Variants in KIF21B observed in about 807,000 individuals in gnomAD.
KIF21B encodes the protein kinesin-like protein KIF21B.
Under a neutral mutation model 192.9 loss-of-function variants are expected in KIF21B, and 85 were observed. The observed-to-expected ratio is 0.44, with a 90% CI of 0.37 to 0.53. The LOEUF (loss-of-function observed/expected upper bound fraction) is 0.53, where lower values mean the gene tolerates loss of function less well. Among genes scored for constraint, KIF21B ranks in the 20% least tolerant of loss-of-function variants. The pLI is 0.00. For synonymous variants in KIF21B, 832 were observed against 884.6 expected, an observed-to-expected ratio of 0.94 and a Z score of 1.05; for missense variants, 1,716 against 2,194.8, an observed-to-expected ratio of 0.78 and a Z score of 4.36.
chr1:201,007,183 G>C (rs28719808), intron 3 of KIF21B, among the ~76,000 whole-genome samples: 15 of 85,202 alleles, frequency 1.8e-4, no homozygotes, highest in South Asian at 3.6e-4. Context: ...CACACACACA[G>C]ACACAGAGAC....
chr1:201,001,111 A>G (rs1195954289), intron 9 of KIF21B, among the ~76,000 whole-genome samples: 1 of 63,674 alleles, frequency 1.6e-5, no homozygotes, highest in African/African-American at 1.1e-4. Flanking sequence ...CCGTCTCAGA[A>G]AAAAAAAAAA....
In KIF21B at chr1:201,000,333, CAGG is replaced by C; in HGVS notation, c.1685+54_1685+56del. Reference sequence around the variant, plus strand: ...GGCAGCAGTCCTCCTTGGGGACGGGCAGGGTCCACTGGGGCGGTCTGAGGGCTC... The same window carrying C: ...GGCAGCAGTCCTCCTTGGGGACGGGCGTCCACTGGGGCGGTCTGAGGGCTC... On this transcript the variant is annotated intron_variant, in intron 11 of 34. Coordinates refer to ENST00000461742, the MANE Select transcript of KIF21B (RefSeq NM_001252102.2). This position sits in a 1 kb window ranked among gnomAD's most constrained non-coding sequence, Gnocchi z 6.0. The C allele has an allele frequency of 6.8e-7, 1 of 1,477,090 alleles. No individual in the cohort carries two copies. The highest frequency in any genetic ancestry group is 9.0e-7 in the Non-Finnish European group (1 of 1,108,230). The allele number at this position is 1,477,090 out of a possible 1,614,324, so 91.5% of individuals were successfully genotyped here.
At chr1:201,007,263 C>G (rs553821381) in intron 3 of KIF21B, among the ~76,000 whole-genome samples, 2 of 145,260 alleles carry the variant, frequency 1.4e-5, no homozygotes, top group East Asian at 4.2e-4. Context: ...CACACACAGA[C>G]ACACACACGC....
rs1338738651 is a variant in KIF21B, at chr1:200,973,586, G to A, written c.4815-8C>T. On this transcript the variant is annotated splice_polypyrimidine_tract_variant and splice_region_variant and intron_variant, in intron 34 of 34. Transcript: ENST00000461742. ...AACTTCACCGTCAGGTCACTGGGGT[G>A]GAGGACAAAGTGGAGGGGTGCCGGT... 20 of 1,521,162 alleles carry A rather than the reference G, an allele frequency of 1.3e-5. No individual in the cohort carries two copies. Among genetic ancestry groups the A allele is most frequent in the Non-Finnish European group, 1.5e-5 (17 of 1,142,498 alleles). 94.2% of individuals were successfully genotyped at this position (1,521,162 alleles called of 1,614,324 possible). A position where few individuals can be genotyped will look rare whatever the true frequency, so the allele number is the denominator to read the frequency against.
In KIF21B at chr1:201,023,475, G is replaced by GTA; in HGVS notation, c.-93_-92insTA. The GTA allele has an allele frequency of 1.0e-6, 1 of 977,520 alleles. No homozygotes were observed. The highest frequency in any genetic ancestry group is 4.4e-5 in the Admixed American group (1 of 22,846). The allele number at this position is 977,520 out of a possible 1,614,324, so 60.6% of individuals were successfully genotyped here. On this transcript the variant is annotated 5_prime_UTR_variant, in exon 1 of 35. It removes the in-frame stop codon of an upstream open reading frame in the 5' UTR. Transcript: ENST00000461742. This position sits in a 1 kb window ranked among gnomAD's most constrained non-coding sequence, Gnocchi z 5.9. ...GCGGCTGCGGCTGCGGGAGGCGGGG[G>GTA]CGCGGGCGCGGCTGGCGGAGGCTGC...
chr1:201,007,565 G>GAC (rs1201147433), intron 3 of KIF21B, among the ~76,000 whole-genome samples: 1 of 124,500 alleles, frequency 8.0e-6, no homozygotes, highest in African/African-American at 3.1e-5. Context: ...CAAACACAGA[G>GAC]ACACACACAC....
intron 14 of KIF21B, among the ~76,000 whole-genome samples, chr1:200,997,606 G>A (rs1257619976): frequency 2.6e-5 from 4 of 152,188 alleles, no homozygotes; most frequent in Admixed American, 6.5e-5. Flanking sequence ...AGCCGGGCGT[G>A]GTGGCGGGCG....
chr1:201,007,841 A>G (rs1243931007), intron 3 of KIF21B, among the ~76,000 whole-genome samples: 2 of 151,974 alleles, frequency 1.3e-5, no homozygotes, highest in African/African-American at 4.8e-5. Context: ...ACACACAGAC[A>G]TACAGACAGA....
rs1655266653 is a variant in KIF21B at position 200,972,461 on chromosome 1, AC to A, written c.*1059del. The A allele has an allele frequency of 6.6e-6, 1 of 152,002 alleles. No homozygotes were observed. The highest frequency in any genetic ancestry group is 6.5e-5 in the Admixed American group (1 of 15,276). 9.4% of individuals were successfully genotyped at this position (152,002 alleles called of 1,614,324 possible). ...GGCCCACGCAGGACTGTGGGGCAGA[AC>A]CCCGGGGCCTGGGCTGTGGGGTGAG... On this transcript the variant is annotated 3_prime_UTR_variant, in exon 35 of 35. Transcript: ENST00000461742.
At position 200,996,349 on chromosome 1, in the gene KIF21B, T is replaced by G; in HGVS notation, c.2124A>C (p.Ala708=). ...TCTCCCGCAGCCTCTTCTCATAGTC[T>G]GCCTTGATCTTGTTGGCCTTCTCCT... ...YTEEKANKIK[A]DYEKRLREMN... The change falls in exon 15 of 35, where the codon GCA becomes GCC. Residue 708 remains alanine, a synonymous_variant. Coordinates refer to ENST00000461742, the MANE Select transcript of KIF21B (RefSeq NM_001252102.2). 1.2e-6 allele frequency: 2 copies of G among 1,614,160 alleles called. No individual in the cohort carries two copies. Among genetic ancestry groups the G allele is most frequent in the South Asian group, 2.2e-5 (2 of 91,084 alleles).
chr1:200,995,763 G>A (rs1434811831), intron 15 of KIF21B, among the ~76,000 whole-genome samples: 1 of 152,198 alleles, frequency 6.6e-6, no homozygotes, highest in Admixed American at 6.5e-5. Context: ...GAGATGACTA[G>A]CCTGGAGCCT....
In KIF21B at chr1:200,972,161, A is replaced by G. The variant is rs1655250257; in HGVS notation, c.*1360T>C. The G allele has an allele frequency of 6.6e-6, 1 of 152,084 alleles. No homozygotes were observed. Among genetic ancestry groups the G allele is most frequent in the Non-Finnish European group, 1.5e-5 (1 of 67,990 alleles). The allele number at this position is 152,084 out of a possible 1,614,324, so 9.4% of individuals were successfully genotyped here. A position where few individuals can be genotyped will look rare whatever the true frequency, so the allele number is the denominator to read the frequency against. Reference sequence around the variant, plus strand: ...GGGGCGCCAGAACACTGATTTAACAATTTCCCCGGAGCTCCGCGTCCCCAG... The same window carrying G: ...GGGGCGCCAGAACACTGATTTAACAGTTTCCCCGGAGCTCCGCGTCCCCAG... On this transcript the variant is annotated 3_prime_UTR_variant, in exon 35 of 35. Coordinates refer to ENST00000461742, the MANE Select transcript of KIF21B (RefSeq NM_001252102.2).
At chr1:201,010,624 C>G (rs1428371940) in intron 1 of KIF21B, among the ~76,000 whole-genome samples, 1 of 152,194 alleles carries the variant, frequency 6.6e-6, no homozygotes, top group Non-Finnish European at 1.5e-5. Context: ...CATCAGCAGG[C>G]ACTTACAATG....
intron 30 of KIF21B, among the ~76,000 whole-genome samples, chr1:200,978,371 A>C (rs1655700514): frequency 6.7e-6 from 1 of 150,048 alleles, no homozygotes; most frequent in Non-Finnish European, 1.5e-5. Context: ...TTTTTTTAAG[A>C]CTTTATTTTT....
Position 200,982,629 on chromosome 1 carries a change from A to C in KIF21B, c.3842+427T>G, listed in dbSNP as rs1336088072. ...CGTCTGAAAAGCTCACCCCCAGCAC[A>C]AGCTGAGGGAATCAAAGGACCCAGA... On this transcript the variant is annotated intron_variant, in intron 28 of 34. Transcript: ENST00000461742. The surrounding 1 kb of genome is among the most constrained non-coding windows in gnomAD (Gnocchi z 4.7). Among the ~76,000 whole-genome samples, 3 of 152,110 alleles carry C rather than the reference A, an allele frequency of 2.0e-5. No individual in the cohort carries two copies. The highest frequency in any genetic ancestry group is 2.1e-4 in the South Asian group (1 of 4,836).
intron 15 of KIF21B, among the ~76,000 whole-genome samples, chr1:200,993,281 C>T (rs775466223): frequency 6.6e-6 from 1 of 152,220 alleles, no homozygotes; most frequent in Non-Finnish European, 1.5e-5. Context: ...TTCCAAGTGA[C>T]AGGGGCATAA....
chr1:201,004,721 C>T, intron 6 of KIF21B, 45 bp downstream of exon 6: 1 of 1,612,570 alleles, frequency 6.2e-7, no homozygotes, highest in Non-Finnish European at 8.5e-7. Context: ...GGGTCTGAGA[C>T]TGAGCTGTGT....
In KIF21B at chr1:201,004,351, C is replaced by T; in HGVS notation, c.1005G>A (p.Leu335=). The T allele has an allele frequency of 6.4e-7, 1 of 1,565,956 alleles. No homozygotes were observed. ...TGGTCACCAGATACCTGTTGCCCCC[C>T]AGCGAATCCTGGAGGAGCCGAGTGA... is the stretch of plus-strand genomic sequence containing the variant. ...SKLTRLLQDS[L]GGNSQTIMIA... Residue 335 remains leucine (L), a synonymous_variant, in exon 7 of 35, where the codon CTG becomes CTA. Transcript: ENST00000461742.
At position 200,991,639 on chromosome 1, in the gene KIF21B, C is replaced by G; in HGVS notation, c.2454+18G>C. On this transcript the variant is annotated intron_variant, in intron 17 of 34. Transcript: ENST00000461742. ...TGCAGCAGGGCCAGGGCCTCGCCAG[C>G]CCCTCGAGTGAGCTCACCTCCTGGG... 1 of 1,612,040 alleles carries G rather than the reference C, an allele frequency of 6.2e-7. No individual in the cohort carries two copies. Among genetic ancestry groups the G allele is most frequent in the Non-Finnish European group, 8.5e-7 (1 of 1,178,586 alleles).
Sources: allele counts gnomAD v4.1 joint callset (sites outside exome capture counted in the v4.1 genomes callset), GRCh38; gene constraint gnomAD v4.1.1; non-coding constraint Gnocchi (gnomAD v3.1); transcripts MANE v1.5; gene names NCBI Gene and HGNC (gene_info 2026-07-23, HGNC 2026-07-21).